Variants in MFSD11 observed in about 807,000 individuals in gnomAD.
MFSD11 encodes the protein UNC93-like protein MFSD11.
A neutral mutation model predicts 53.5 loss-of-function variants in MFSD11; 36 were observed. The ratio of observed to expected loss-of-function variants is 0.67; its 90% CI spans 0.52 to 0.89. MFSD11 has a LOEUF of 0.89. Among genes scored for constraint, MFSD11 ranks in the 40% least tolerant of loss-of-function variants. The pLI is 0.00. For synonymous variants in MFSD11, 186 were observed against 184.9 expected (o/e 1.01, Z -0.05); for missense variants, 530 against 543.9 (o/e 0.97, Z 0.25).
chr17:76,794,694 T>G, the MFSD11 span, among the ~76,000 whole-genome samples: 185 of 3,786 alleles, frequency 0.049, 10 homozygotes, highest in East Asian at 0.15. Flanking sequence ...TTTTTTTTTT[T>G]TTTTTTTTTT....
At chr17:76,753,818 T>C (rs2079304192) in intron 7 of MFSD11, among the ~76,000 whole-genome samples, 1 of 152,008 alleles carries the variant, frequency 6.6e-6, no homozygotes, top group Admixed American at 6.6e-5. Flanking sequence ...TCTGAAAGAA[T>C]AGTCTTCCAA....
chr17:76,757,900 A>G (rs1032311287), intron 8 of MFSD11, among the ~76,000 whole-genome samples: 4 of 152,028 alleles, frequency 2.6e-5, no homozygotes, highest in African/African-American at 9.7e-5. Context: ...AATCTCAGCT[A>G]TTTGGGAGGC....
chr17:76,755,791 C>T (rs62086794), intron 8 of MFSD11, among the ~76,000 whole-genome samples: 8,912 of 15,708 alleles, frequency 0.57, 3,617 homozygotes, highest in East Asian at 0.86. Flanking sequence ...TGTGTGTATA[C>T]ATATATATAT....
the MFSD11 span, among the ~76,000 whole-genome samples, chr17:76,787,238 C>T: frequency 8.6e-5 from 13 of 150,670 alleles, no homozygotes; most frequent in Non-Finnish European, 1.8e-4. Flanking sequence ...TGGGTTCAAG[C>T]GATTTTCCTG....
intron 2 of MFSD11, among the ~76,000 whole-genome samples, chr17:76,739,596 G>A (rs1271317653): frequency 6.6e-6 from 1 of 152,128 alleles, no homozygotes; most frequent in African/African-American, 2.4e-5. Flanking sequence ...ATTGACAAAT[G>A]AAAATTGCCT....
chr17:76,768,958 C>T (rs1215368977), intron 9 of MFSD11, among the ~76,000 whole-genome samples: 3 of 150,656 alleles, frequency 2.0e-5, no homozygotes, highest in African/African-American at 7.4e-5. Flanking sequence ...TGCACTCCAG[C>T]CTGGGCAACA....
intron 8 of MFSD11, among the ~76,000 whole-genome samples, chr17:76,764,475 A>G (rs551361349): frequency 6.6e-6 from 1 of 152,232 alleles, no homozygotes; most frequent in East Asian, 1.9e-4. Flanking sequence ...ACTTTTTAAT[A>G]TTCCCCATAT....
chr17:76,737,439 A>C, upstream of MFSD11: 1 of 361,598 alleles, frequency 2.8e-6, no homozygotes. Flanking sequence ...CCGCTTCGTA[A>C]CGACCCTGCC....
chr17:76,784,185 T>G (rs1452375904), downstream of MFSD11, among the ~76,000 whole-genome samples: 1 of 152,160 alleles, frequency 6.6e-6, no homozygotes, highest in Non-Finnish European at 1.5e-5. Flanking sequence ...TATTCATAGC[T>G]GCATTATTCA....
chr17:76,743,406 TTGGAAATCTCTACATATATTTTGCC>T lies in MFSD11; in HGVS notation c.450_474del (p.Asn151LysfsTer18). The stretch of plus-strand genomic sequence containing the variant: ...CCCTTTTCTTCCCCCAGCTTGTTCT[TTGGAAATCTCTACATATATTTTGCC>T]TGGCAAGGGAAAACTCAGATATCAG... On this transcript the variant is annotated frameshift_variant, in exon 6 of 13. Coordinates refer to ENST00000685175, the MANE Select transcript of MFSD11 (RefSeq NM_001242532.5). LOFTEE classifies it high-confidence loss of function. 1 of 1,582,778 alleles carries T rather than the reference TTGGAAATCTCTACATATATTTTGCC, an allele frequency of 6.3e-7. No homozygotes were observed. Among genetic ancestry groups the T allele is most frequent in the Non-Finnish European group, 8.6e-7 (1 of 1,166,392 alleles).
Position 76,754,135 on chromosome 17 carries a change from C to T in MFSD11, c.682+48C>T, listed in dbSNP as rs773493160. ...ATGCAAGAACTGTTCAGGAACAACT[C>T]GGCATTTGCCTTTCCCCTATTCCCT... On this transcript the variant is annotated intron_variant, in intron 8 of 12. Transcript: ENST00000685175. The T allele has an allele frequency of 3.3e-4, 329 of 1,003,464 alleles. 3 individuals are homozygous for T. The highest frequency in any genetic ancestry group is 4.6e-4 in the Non-Finnish European group (312 of 682,912). 62.2% of individuals were successfully genotyped at this position (1,003,464 alleles called of 1,614,324 possible). A position where few individuals can be genotyped will look rare whatever the true frequency, so the allele number is the denominator to read the frequency against.
At chr17:76,737,145 G>C, upstream of MFSD11, 1 of 1,587,692 alleles carries the variant, frequency 6.3e-7, no homozygotes, top group Non-Finnish European at 8.6e-7. Context: ...TCGGGAGGGG[G>C]GCGGCCGTAG....
the MFSD11 span, among the ~76,000 whole-genome samples, chr17:76,790,489 G>A: frequency 0.013 from 1,814 of 144,064 alleles, 129 homozygotes; most frequent in African/African-American, 0.045. Flanking sequence ...TTACAGGTGC[G>A]CGCCACCATA....
At chr17:76,756,448 T>C (rs1439188425) in intron 8 of MFSD11, among the ~76,000 whole-genome samples, 1 of 152,190 alleles carries the variant, frequency 6.6e-6, no homozygotes, top group African/African-American at 2.4e-5. Context: ...TAATTATAAA[T>C]TGAGCCACAC....
chr17:76,773,304 T>G (rs1161023051), intron 10 of MFSD11: 2 of 152,320 alleles, frequency 1.3e-5, no homozygotes, highest in African/African-American at 4.8e-5. Context: ...CTGCCTACTC[T>G]TGAGAGGAAC....
chr17:76,802,276 CA>C, the MFSD11 span, among the ~76,000 whole-genome samples: 1 of 151,848 alleles, frequency 6.6e-6, no homozygotes. Context: ...GTCTCAAAAA[CA>C]ACAACAACAA....
chr17:76,755,880 A>G (rs1356034158), intron 8 of MFSD11, among the ~76,000 whole-genome samples: 1 of 130,414 alleles, frequency 7.7e-6, no homozygotes, highest in East Asian at 2.3e-4. Context: ...CTGGAATGCA[A>G]TGGTGCGATC....
upstream of MFSD11, chr17:76,736,681 C>A: frequency 8.1e-7 from 1 of 1,237,442 alleles, no homozygotes; most frequent in Non-Finnish European, 1.0e-6. Flanking sequence ...CGAGACGCGG[C>A]GTGCACCCCC....
chr17:76,765,524 T>G lies in MFSD11; in HGVS notation c.683-1862T>G, dbSNP rs530757395. 8.1e-4 allele frequency among the ~76,000 whole-genome samples: 119 copies of G among 147,506 alleles called. No individual in the cohort carries two copies. The South Asian group carries it at 0.013, about 16-fold the overall frequency. ...GCCGCCTAGGGCGGAGTACAGTGGC[T>G]TGATCAGAGCTCACTGCAGCCTCAA... On this transcript the variant is annotated intron_variant, in intron 8 of 12. Transcript: ENST00000685175.
Sources: gnomAD v4.1 joint callset for allele counts (sites outside exome capture counted in the v4.1 genomes callset) on GRCh38, gnomAD v4.1.1 for gene constraint, MANE v1.5 for transcripts, NCBI Gene and HGNC (gene_info 2026-07-23, HGNC 2026-07-21) for gene names.